RPA1: variants seen among roughly 807,000 people sequenced by gnomAD.
RPA1 encodes the protein replication protein A 70 kDa DNA-binding subunit.
RPA1 carries 49 observed loss-of-function variants against 83.0 expected under a neutral mutation model. The observed-to-expected ratio is 0.59, with a 90% CI of 0.47 to 0.75. The LOEUF (loss-of-function observed/expected upper bound fraction) is 0.75, where lower values mean the gene tolerates loss of function less well. Among genes scored for constraint, RPA1 ranks in the 30% least tolerant of loss-of-function variants. The probability of loss-of-function intolerance (pLI) is 0.00; values close to 1 mark genes in which losing one functional copy is unlikely to be tolerated. For synonymous variants in RPA1, 279 were observed against 281.8 expected (o/e 0.99, Z 0.10); for missense variants, 693 against 776.1 (o/e 0.89, Z 1.27).
chr17:1,889,350 T>C (rs1914121948), intron 14 of RPA1, among the ~76,000 whole-genome samples: 1 of 151,586 alleles, frequency 6.6e-6, no homozygotes, highest in South Asian at 2.1e-4. Context: ...TTTTTTTTTT[T>C]AAGAAACAGG....
In RPA1 at chr17:1,897,225, C is replaced by G; in HGVS notation, c.*50C>G. 7.4e-7 allele frequency: 1 copy of G among 1,345,022 alleles called. No individual in the cohort carries two copies. Among genetic ancestry groups the G allele is most frequent in the Non-Finnish European group, 1.0e-6 (1 of 972,092 alleles). The allele number at this position is 1,345,022 out of a possible 1,614,324, so 83.3% of individuals were successfully genotyped here. A position where few individuals can be genotyped will look rare whatever the true frequency, so the allele number is the denominator to read the frequency against. On this transcript the variant is annotated 3_prime_UTR_variant, in exon 17 of 17. Coordinates refer to ENST00000254719, the MANE Select transcript of RPA1 (RefSeq NM_002945.5). ...AGTTTGCAAATAGGCAGAATGGAAT[C>G]GATTTCCTCCCACCTCCGTGTGACG...
chr17:1,887,481 C>T (rs547837776), intron 13 of RPA1, among the ~76,000 whole-genome samples: 1 of 151,494 alleles, frequency 6.6e-6, no homozygotes, highest in Non-Finnish European at 1.5e-5. Flanking sequence ...ATCGTTTGAC[C>T]CTGGGAGGCG....
chr17:1,845,162 T>TTGTGTGTGTGTGTGTGTG (rs71150822), intron 4 of RPA1, among the ~76,000 whole-genome samples: 17 of 141,714 alleles, frequency 1.2e-4, no homozygotes, highest in African/African-American at 4.1e-4. Flanking sequence ...TAATGCTGCT[T>TTGTGTGTGTGTGTGTGTG]TGTGTGTGTG....
At chr17:1,833,911 GTGGCTCA>G (rs1911713129) in intron 1 of RPA1, among the ~76,000 whole-genome samples, 2 of 152,336 alleles carry the variant, frequency 1.3e-5, no homozygotes, top group South Asian at 4.1e-4. Flanking sequence ...GCCAGGCGCA[GTGGCTCA>G]TGCCTGTAAT....
chr17:1,862,057 AT>A (rs199867538), intron 5 of RPA1, among the ~76,000 whole-genome samples: 2 of 150,516 alleles, frequency 1.3e-5, no homozygotes, highest in South Asian at 2.1e-4. Flanking sequence ...TGCCCGGGTG[AT>A]TTTTTTTGTA....
intron 16 of RPA1, 113 bp downstream of exon 16, chr17:1,895,208 G>T (rs1002623396): frequency 2.6e-6 from 2 of 757,966 alleles, no homozygotes; most frequent in Non-Finnish European, 4.3e-6. Flanking sequence ...CCAGACCCCG[G>T]TGCTGACTTT....
chr17:1,861,383 T>C (rs975562220), intron 5 of RPA1, among the ~76,000 whole-genome samples: 4 of 152,160 alleles, frequency 2.6e-5, no homozygotes, highest in African/African-American at 4.8e-5. Flanking sequence ...TTGAAAACCA[T>C]GCGTCTCACG....
intron 5 of RPA1, among the ~76,000 whole-genome samples, chr17:1,869,158 C>T (rs1305396633): frequency 6.6e-6 from 1 of 152,154 alleles, no homozygotes; most frequent in Non-Finnish European, 1.5e-5. Context: ...GAATTTTTCT[C>T]TGCGATGGCT....
intron 5 of RPA1, among the ~76,000 whole-genome samples, chr17:1,855,669 C>G (rs1300719155): frequency 2.0e-5 from 3 of 152,108 alleles, no homozygotes; most frequent in African/African-American, 7.2e-5. Flanking sequence ...ATTGTTACAT[C>G]TCTGATTTTG....
chr17:1,871,233 C>G (rs886887450), intron 5 of RPA1, among the ~76,000 whole-genome samples: 57 of 152,222 alleles, frequency 3.7e-4, no homozygotes, highest in African/African-American at 1.4e-3. Flanking sequence ...CTCAATTTTT[C>G]TCTCCATAGG....
At position 1,897,103 on chromosome 17, in the gene RPA1, C is replaced by A; in HGVS notation, c.1779C>A (p.Asp593Glu). The change falls in exon 17 of 17, where the codon GAC becomes GAA. Residue 593 changes from aspartate to glutamate, a missense_variant. By Grantham distance (45) the Asp-to-Glu change is conservative. Coordinates refer to ENST00000254719, the MANE Select transcript of RPA1 (RefSeq NM_002945.5). ...CTCGAATTAAGGCCACTGTGATGGACGTGAAGCCCGTGGACTACAGAGAGT... is the reference window on the plus strand; with the variant it reads ...CTCGAATTAAGGCCACTGTGATGGAAGTGAAGCCCGTGGACTACAGAGAGT... The part of the protein sequence containing the change: ...DESRIKATVM[D>E]VKPVDYREYG... 1 of 1,573,224 alleles carries A rather than the reference C, an allele frequency of 6.4e-7. No homozygotes were observed. Among genetic ancestry groups the A allele is most frequent in the Non-Finnish European group, 8.6e-7 (1 of 1,158,948 alleles).
intron 14 of RPA1, among the ~76,000 whole-genome samples, chr17:1,889,979 G>A (rs1193295878): frequency 2.6e-5 from 4 of 151,990 alleles, no homozygotes; most frequent in African/African-American, 7.3e-5. Context: ...CAGCCCGGGC[G>A]ACAAGAGCAA....
At chr17:1,864,673 T>C (rs1272522312) in intron 5 of RPA1, among the ~76,000 whole-genome samples, 1 of 150,396 alleles carries the variant, frequency 6.6e-6, no homozygotes, top group Non-Finnish European at 1.5e-5. Context: ...GGACCTTAGG[T>C]GGATCACCTG....
At chr17:1,869,430 C>T (rs564820700) in intron 5 of RPA1, among the ~76,000 whole-genome samples, 25 of 151,990 alleles carry the variant, frequency 1.6e-4, no homozygotes, top group Admixed American at 9.2e-4. Context: ...CCTAGCTACT[C>T]GGGAGGCTGA....
At chr17:1,858,587 C>T (rs1364803177) in intron 5 of RPA1, 4 of 618,740 alleles carry the variant, frequency 6.5e-6, no homozygotes, top group Non-Finnish European at 1.1e-5. Context: ...CATCAGCCTC[C>T]TGAGTAGCTG....
chr17:1,895,339 A>AT (rs143611641), intron 16 of RPA1, among the ~76,000 whole-genome samples: 18 of 138,310 alleles, frequency 1.3e-4, no homozygotes, highest in South Asian at 7.3e-4. Flanking sequence ...TTGTTTGTTT[A>AT]TTTTTTTTAT....
intron 5 of RPA1, among the ~76,000 whole-genome samples, chr17:1,862,938 G>A (rs1274587607): frequency 2.0e-5 from 3 of 151,492 alleles, no homozygotes; most frequent in Non-Finnish European, 4.4e-5. Context: ...GGCTAGTCTC[G>A]AACTGCTGAC....
chr17:1,859,793 G>C (rs1225016202), intron 5 of RPA1, among the ~76,000 whole-genome samples: 10 of 151,914 alleles, frequency 6.6e-5, no homozygotes, highest in Admixed American at 6.6e-4. Flanking sequence ...ACCACGCCCA[G>C]CTAATTTTAT....
chr17:1,854,274 A>G (rs767006910), intron 5 of RPA1: 11 of 152,244 alleles, frequency 7.2e-5, no homozygotes, highest in Non-Finnish European at 1.3e-4. Context: ...TTTGACACCA[A>G]AATAAATTTG....
Sources: gnomAD v4.1 joint callset for allele counts (sites outside exome capture counted in the v4.1 genomes callset) on GRCh38, gnomAD v4.1.1 for gene constraint, MANE v1.5 for transcripts, NCBI Gene and HGNC (gene_info 2026-07-23, HGNC 2026-07-21) for gene names.